The following PKNOX2 variants were observed in gnomAD, a reference collection of about 807,000 sequenced individuals.
PKNOX2 encodes the protein PBX/knotted 1 homeobox 2, also known as homeobox protein PKNOX2.
In PKNOX2, 14 loss-of-function variants were observed where a neutral mutation model predicts 53.1. The observed-to-expected ratio is 0.26, with a 90% CI of 0.17 to 0.41. The LOEUF is 0.41. PKNOX2 is among the 10% of genes least tolerant of loss of function. The pLI is 1.00. For synonymous variants in PKNOX2, 257 were observed against 242.8 expected (o/e 1.06, Z -0.54); for missense variants, 496 against 602.8 (o/e 0.82, Z 1.85).
chr11:125,191,676 T>G (rs1956887467), intron 1 of PKNOX2, among the ~76,000 whole-genome samples: 1 of 151,872 alleles, frequency 6.6e-6, no homozygotes, highest in Non-Finnish European at 1.5e-5. Context: ...ATGTTTTGGG[T>G]GCGGTGTGGA....
chr11:125,285,095 G>C (rs968703818), intron 2 of PKNOX2, among the ~76,000 whole-genome samples: 1 of 152,128 alleles, frequency 6.6e-6, no homozygotes, highest in Non-Finnish European at 1.5e-5. Context: ...CAGAAATGCT[G>C]TCCCATAGCA....
chr11:125,234,574 G>C (rs1200614660), intron 1 of PKNOX2, among the ~76,000 whole-genome samples: 1 of 152,106 alleles, frequency 6.6e-6, no homozygotes, highest in Non-Finnish European at 1.5e-5. Context: ...TAGACAACAG[G>C]GTCAGCGTTG....
chr11:125,251,341 C>A (rs1057205478), intron 2 of PKNOX2, among the ~76,000 whole-genome samples: 3 of 152,150 alleles, frequency 2.0e-5, no homozygotes, highest in Non-Finnish European at 4.4e-5. Context: ...GGCTCTGAAA[C>A]AATTGCGCTA....
chr11:125,403,638 C>T (rs1282869752), intron 7 of PKNOX2, among the ~76,000 whole-genome samples: 1 of 152,190 alleles, frequency 6.6e-6, no homozygotes, highest in Non-Finnish European at 1.5e-5. Flanking sequence ...TGGGCTACTC[C>T]AGAGCCCATG....
intron 1 of PKNOX2, among the ~76,000 whole-genome samples, chr11:125,172,889 A>G (rs1011075957): frequency 5.9e-5 from 9 of 152,140 alleles, no homozygotes; most frequent in South Asian, 2.1e-4. Context: ...GGACAAATGG[A>G]TGTTCCTAGC....
chr11:125,381,912 AG>A (rs1452047833), intron 5 of PKNOX2, among the ~76,000 whole-genome samples: 2 of 152,282 alleles, frequency 1.3e-5, no homozygotes, highest in African/African-American at 4.8e-5. Flanking sequence ...CTCCGCAGAG[AG>A]GCTCTCCCTG....
intron 1 of PKNOX2, among the ~76,000 whole-genome samples, chr11:125,185,422 A>T (rs1956393419): frequency 6.6e-6 from 1 of 152,210 alleles, no homozygotes; most frequent in Non-Finnish European, 1.5e-5. Flanking sequence ...ATTCAGTGGC[A>T]TTACATTCAC....
intron 2 of PKNOX2, among the ~76,000 whole-genome samples, chr11:125,301,794 C>T (rs1948088600): frequency 6.6e-6 from 1 of 152,190 alleles, no homozygotes; most frequent in African/African-American, 2.4e-5. Flanking sequence ...TCTAGGACAA[C>T]CTTCCAGAGG....
intron 1 of PKNOX2, among the ~76,000 whole-genome samples, chr11:125,202,173 C>T (rs767148928): frequency 1.1e-4 from 17 of 152,318 alleles, no homozygotes; most frequent in Middle Eastern, 3.4e-3. Flanking sequence ...CTTTGGCTTC[C>T]CCTCCTGCAA....
At chr11:125,428,426 A>G (rs949871134) in intron 10 of PKNOX2, among the ~76,000 whole-genome samples, 5 of 152,152 alleles carry the variant, frequency 3.3e-5, no homozygotes, top group Non-Finnish European at 5.9e-5. Context: ...CAGAGTTTCA[A>G]TGATGTGCTT....
intron 3 of PKNOX2, among the ~76,000 whole-genome samples, chr11:125,350,715 C>A (rs536148215): frequency 2.0e-5 from 3 of 152,170 alleles, no homozygotes; most frequent in Non-Finnish European, 4.4e-5. Context: ...AGTCTGAGGA[C>A]GGGTCCAGGC....
rs186449852 is a variant in PKNOX2 at position 125,230,749 on chromosome 11, C to T, written c.-200-4296C>T. Among the ~76,000 whole-genome samples, 296 of 152,200 alleles carry T rather than the reference C, an allele frequency of 1.9e-3. 6 individuals carry two copies. The highest frequency in any genetic ancestry group is 1.8e-3 in the Non-Finnish European group (125 of 68,010). The stretch of plus-strand genomic sequence containing the variant: ...TCTCTTTTTCCTATTCAGTTGCAGC[C>T]ATTTTTTAATTAAGTTATTAATATG... On this transcript the variant is annotated intron_variant, in intron 1 of 12. Transcript: ENST00000298282.
intron 1 of PKNOX2, among the ~76,000 whole-genome samples, chr11:125,209,231 G>A (rs1300723568): frequency 6.6e-6 from 1 of 152,100 alleles, no homozygotes; most frequent in Non-Finnish European, 1.5e-5. Flanking sequence ...AGGTGAAGAA[G>A]CAAAGTCTCT....
At position 125,432,580 on chromosome 11, in the gene PKNOX2, C is replaced by T. The variant is rs1171383111; in HGVS notation, c.*1188C>T. On this transcript the variant is annotated 3_prime_UTR_variant, in exon 13 of 13. Transcript: ENST00000298282. ...GCGGGGATGCCCATCCCACACACCC[C>T]ACCCAGCTGTTCTAACCCTGCTATC... The T allele has an allele frequency of 2.0e-5, 3 of 152,868 alleles. No individual in the cohort carries two copies. The highest frequency in any genetic ancestry group is 3.9e-4 in the East Asian group (2 of 5,164). The allele number at this position is 152,868 out of a possible 1,614,324, so 9.5% of individuals were successfully genotyped here.
At chr11:125,297,337 T>C (rs1175784892) in intron 2 of PKNOX2, among the ~76,000 whole-genome samples, 1 of 152,208 alleles carries the variant, frequency 6.6e-6, no homozygotes, top group Non-Finnish European at 1.5e-5. Context: ...ACCACCTGAG[T>C]ATGCCAGGCC....
At chr11:125,191,944 C>T (rs531140630) in intron 1 of PKNOX2, among the ~76,000 whole-genome samples, 15 of 152,244 alleles carry the variant, frequency 9.9e-5, no homozygotes, top group Non-Finnish European at 2.1e-4. Flanking sequence ...TGGTGCTTCG[C>T]GCTGTCAATA....
At chr11:125,201,094 C>A (rs765835765) in intron 1 of PKNOX2, among the ~76,000 whole-genome samples, 1 of 152,188 alleles carries the variant, frequency 6.6e-6, no homozygotes, top group Non-Finnish European at 1.5e-5. Flanking sequence ...ATTTTAGCTC[C>A]TTCTCACTGG....
chr11:125,386,990 C>T (rs971800609), intron 6 of PKNOX2, among the ~76,000 whole-genome samples: 7 of 152,158 alleles, frequency 4.6e-5, no homozygotes, highest in African/African-American at 7.2e-5. Context: ...GTGAAGGCAT[C>T]CGAGAGCCCC....
At chr11:125,204,254 C>A (rs1591479968) in intron 1 of PKNOX2, among the ~76,000 whole-genome samples, 1 of 152,132 alleles carries the variant, frequency 6.6e-6, no homozygotes, top group East Asian at 1.9e-4. Context: ...GGAGTTAAGT[C>A]TCCGGGGAGA....
Sources: gnomAD v4.1 joint callset for allele counts (sites outside exome capture counted in the v4.1 genomes callset) on GRCh38, gnomAD v4.1.1 for gene constraint, MANE v1.5 for transcripts, NCBI Gene and HGNC (gene_info 2026-07-23, HGNC 2026-07-21) for gene names.